The following EIF3A variants were observed in gnomAD, a reference collection of about 807,000 sequenced individuals.
EIF3A encodes EIF3, p180 subunit.
In EIF3A, 21 loss-of-function variants were observed where a neutral mutation model predicts 186.6. The observed-to-expected ratio is 0.11, with a 90% confidence interval of 0.08 to 0.16. The LOEUF is 0.16. Among genes scored for constraint, EIF3A ranks in the 10% least tolerant of loss-of-function variants. The pLI is 1.00. For synonymous variants in EIF3A, 563 were observed against 584.3 expected, an observed-to-expected ratio of 0.96 and a Z score of 0.52; for missense variants, 1,306 against 1,796.3, an observed-to-expected ratio of 0.73 and a Z score of 4.93.
chr10:119,071,978 T>C (rs1385277167), intron 4 of EIF3A, among the ~76,000 whole-genome samples: 1 of 137,352 alleles, frequency 7.3e-6, no homozygotes, highest in African/African-American at 2.7e-5. Context: ...TGAGCCGAGA[T>C]TGCGCCACTG....
At chr10:119,065,627 AAAAGCAC>A (rs1270772643) in intron 6 of EIF3A, 57 bp from the exon 7 acceptor site, 1 of 1,294,260 alleles carries the variant, frequency 7.7e-7, no homozygotes, top group Non-Finnish European at 1.1e-6. Flanking sequence ...TGGTAAGCAG[AAAAGCAC>A]TTCTCTTTAA....
chr10:119,056,231 G>A (rs1396767395), intron 14 of EIF3A, among the ~76,000 whole-genome samples: 1 of 152,104 alleles, frequency 6.6e-6, no homozygotes, highest in Non-Finnish European at 1.5e-5. Flanking sequence ...ACAAAACTAT[G>A]GAATGACCTG....
rs1450355263 is a variant in EIF3A at position 119,042,010 on chromosome 10, T to C, written c.3510A>G (p.Arg1170=). The change falls in exon 19 of 22, where the codon AGA becomes AGG. Residue 1170 remains arginine (R), a synonymous_variant. Transcript: ENST00000369144. This position sits in a 1 kb window ranked among gnomAD's most constrained non-coding sequence, Gnocchi z 7.8. ...RGDDSRPGPW[R]PLVKPGGWRE... ...GAATTTTACCTGGCTTGACTAATGGTCTCCAAGGACCAGGTCTTGAGTCAT... is the reference window on the plus strand; with the variant it reads ...GAATTTTACCTGGCTTGACTAATGGCCTCCAAGGACCAGGTCTTGAGTCAT... The C allele has an allele frequency of 6.2e-7, 1 of 1,614,094 alleles. No homozygotes were observed. Among genetic ancestry groups the C allele is most frequent in the African/African-American group, 1.3e-5 (1 of 75,032 alleles).
In EIF3A at chr10:119,038,220, T is replaced by G. The variant is rs748742650; in HGVS notation, c.3728+18A>C. On this transcript the variant is annotated intron_variant, in intron 20 of 21. Coordinates refer to ENST00000369144, the MANE Select transcript of EIF3A (RefSeq NM_003750.4). Reference sequence around the variant, plus strand: ...ACTGCGCCCGGCCTCTACAAATAATTTAATTAGAGCATCACACCTAGGTCT... The same window carrying G: ...ACTGCGCCCGGCCTCTACAAATAATGTAATTAGAGCATCACACCTAGGTCT... The G allele has an allele frequency of 2.5e-6, 4 of 1,607,448 alleles. No individual in the cohort carries two copies. In the Admixed American group the frequency reaches 6.8e-5, roughly 27 times the overall value.
chr10:119,039,515 T>A (rs1393229035), intron 19 of EIF3A, among the ~76,000 whole-genome samples: 2 of 151,722 alleles, frequency 1.3e-5, no homozygotes, highest in Non-Finnish European at 2.9e-5. Context: ...TACAAAAAAA[T>A]ACAAAAATTA....
chr10:119,074,498 G>A (rs6585529), intron 1 of EIF3A, among the ~76,000 whole-genome samples: 148,908 of 152,164 alleles, frequency 0.98, 72,943 homozygotes, highest in East Asian at 1. Flanking sequence ...ATAATGTGTC[G>A]GTATTGGTTC....
At chr10:119,043,885 TG>T (rs1321412847) in intron 18 of EIF3A, among the ~76,000 whole-genome samples, 168 bp downstream of exon 18, 2 of 152,182 alleles carry the variant, frequency 1.3e-5, no homozygotes, top group East Asian at 3.8e-4. Flanking sequence ...CACCCCAGCC[TG>T]GGCAGCAGAC....
intron 17 of EIF3A, among the ~76,000 whole-genome samples, chr10:119,048,106 G>A (rs886669466): frequency 5.9e-5 from 9 of 151,298 alleles, no homozygotes; most frequent in East Asian, 1.9e-4. Context: ...GCAGCAACAC[G>A]GAAGACTACT....
At chr10:119,063,793 T>G (rs980108702) in intron 7 of EIF3A, among the ~76,000 whole-genome samples, 1 of 152,066 alleles carries the variant, frequency 6.6e-6, no homozygotes, top group Non-Finnish European at 1.5e-5. Flanking sequence ...ACTAAAAAGA[T>G]ACACAAATCT....
intron 16 of EIF3A, 74 bp downstream of exon 16, chr10:119,050,447 A>G (rs1037139261): frequency 2.0e-5 from 28 of 1,434,642 alleles, no homozygotes; most frequent in South Asian, 3.8e-5. Flanking sequence ...TATTTTCTAC[A>G]TAAGATCACT....
At chr10:119,067,970 C>T (rs1425323870) in intron 6 of EIF3A, among the ~76,000 whole-genome samples, 1 of 152,110 alleles carries the variant, frequency 6.6e-6, no homozygotes, top group Non-Finnish European at 1.5e-5. Context: ...ACCACCACAC[C>T]CAGCTGATTT....
In EIF3A at chr10:119,038,219, TTTAA is replaced by T; in HGVS notation, c.3728+15_3728+18del. ...CACTGCGCCCGGCCTCTACAAATAATTTAATTAGAGCATCACACCTAGGTCTTCT... is the reference window on the plus strand; with the variant it reads ...CACTGCGCCCGGCCTCTACAAATAATTTAGAGCATCACACCTAGGTCTTCT... On this transcript the variant is annotated intron_variant, in intron 20 of 21. Coordinates refer to ENST00000369144, the MANE Select transcript of EIF3A (RefSeq NM_003750.4). 6.2e-7 allele frequency: 1 copy of T among 1,607,170 alleles called. No homozygotes were observed. Among genetic ancestry groups the T allele is most frequent in the South Asian group, 1.1e-5 (1 of 90,618 alleles).
chr10:119,080,374 A>T (rs1844244734), intron 1 of EIF3A: 1 of 985,252 alleles, frequency 1.0e-6, no homozygotes, highest in African/African-American at 1.7e-5. Flanking sequence ...GGTCCCCGCG[A>T]CGCACCCGGA....
chr10:119,042,563 C>T lies in EIF3A; in HGVS notation c.2957G>A (p.Arg986Gln), dbSNP rs553684707. 5.0e-6 allele frequency: 8 copies of T among 1,614,154 alleles called. No individual in the cohort carries two copies. The highest frequency in any genetic ancestry group is 4.5e-5 in the East Asian group (2 of 44,876). ...ATCATCTGTGTTACGCCAGGAAGGC[C>T]GGTCATCGTCTGCCCCACGACGAGA... Reference protein sequence around the residue: ...RFSRRGADDDRPSWRNTDDDR... With the variant: ...RFSRRGADDDQPSWRNTDDDR... Residue 986 changes from arginine to glutamine, a missense_variant, in exon 19 of 22, where the codon CGG becomes CAG. Coordinates refer to ENST00000369144, the MANE Select transcript of EIF3A (RefSeq NM_003750.4). The surrounding 1 kb of genome is among the most constrained non-coding windows in gnomAD (Gnocchi z 7.8).
Position 119,042,561 on chromosome 10 carries a change from G to T in EIF3A, c.2959C>A (p.Pro987Thr), listed in dbSNP as rs773122822. 4 of 1,614,016 alleles carry T rather than the reference G, an allele frequency of 2.5e-6. No homozygotes were observed. Among genetic ancestry groups the T allele is most frequent in the Admixed American group, 1.7e-5 (1 of 60,002 alleles). The change falls in exon 19 of 22, where the codon CCT becomes ACT. Residue 987 changes from proline to threonine, a missense_variant. Pro to Thr is a conservative substitution (Grantham distance 38, BLOSUM62 -1). Coordinates refer to ENST00000369144, the MANE Select transcript of EIF3A (RefSeq NM_003750.4). The surrounding 1 kb of genome is among the most constrained non-coding windows in gnomAD (Gnocchi z 7.8). ...FSRRGADDDR[P>T]SWRNTDDDRP... is the part of the protein sequence containing the mutation. ...TCATCATCTGTGTTACGCCAGGAAG[G>T]CCGGTCATCGTCTGCCCCACGACGA...
intron 1 of EIF3A, among the ~76,000 whole-genome samples, chr10:119,079,632 C>T (rs1844230832): frequency 6.6e-6 from 1 of 151,914 alleles, no homozygotes; most frequent in African/African-American, 2.4e-5. Flanking sequence ...AGAGCCTAGC[C>T]AAGAACATGT....
At position 119,036,264 on chromosome 10, in the gene EIF3A, A is replaced by T. The variant is rs1389706388; in HGVS notation, c.3924T>A (p.Ser1308Arg). Reference protein sequence around the residue: ...PPLRSEREEVSSWRRADDRKD... With the variant: ...PPLRSEREEVRSWRRADDRKD... ...TCCTGTCATCAGCACGTCTCCAAGA[A>T]CTTACTAAAAAGTTTAATTAAAAAA... The change falls in exon 22 of 22, where the codon AGT becomes AGA. Residue 1308 changes from serine to arginine, a missense_variant. By Grantham distance (110) the Ser-to-Arg change is moderately radical. Transcript: ENST00000369144. 1.2e-6 allele frequency: 2 copies of T among 1,604,338 alleles called. No individual in the cohort carries two copies. The highest frequency in any genetic ancestry group is 1.7e-6 in the Non-Finnish European group (2 of 1,177,084).
At chr10:119,070,078 T>A (rs1285365695) in intron 5 of EIF3A, among the ~76,000 whole-genome samples, 1 of 151,532 alleles carries the variant, frequency 6.6e-6, no homozygotes, top group Non-Finnish European at 1.5e-5. Context: ...AAGATGGGTG[T>A]CCCTATAGAA....
At chr10:119,050,389 G>A in intron 16 of EIF3A, 132 bp downstream of exon 16, 3 of 863,204 alleles carry the variant, frequency 3.5e-6, no homozygotes, top group Non-Finnish European at 5.4e-6. Flanking sequence ...ACTGGGTTCT[G>A]AGATCCAGTT....
Sources: allele counts gnomAD v4.1 joint callset (sites outside exome capture counted in the v4.1 genomes callset), GRCh38; gene constraint gnomAD v4.1.1; non-coding constraint Gnocchi (gnomAD v3.1); transcripts MANE v1.5; gene names NCBI Gene and HGNC (gene_info 2026-07-23, HGNC 2026-07-21).